Variants in DLG2 observed in about 807,000 individuals in gnomAD.
DLG2 encodes the protein disks large homolog 2.
A neutral mutation model predicts 132.5 loss-of-function variants in DLG2; 45 were observed. That is an observed-to-expected ratio of 0.34 (90% CI 0.27 to 0.44). DLG2 has a LOEUF of 0.44. DLG2 is among the 20% of genes least tolerant of loss of function. DLG2 has a pLI of 1.00. For synonymous variants in DLG2, 424 were observed against 419.6 expected (o/e 1.01, Z -0.13); for missense variants, 1,045 against 1,196.9 (o/e 0.87, Z 1.87).
chr11:83,851,965 C>A (rs1380738676), intron 16 of DLG2, among the ~76,000 whole-genome samples: 1 of 151,376 alleles, frequency 6.6e-6, no homozygotes, highest in African/African-American at 2.4e-5. Flanking sequence ...CAGAGATACA[C>A]CAGGAGAATG....
chr11:83,623,845 A>C (rs115109610), intron 19 of DLG2, among the ~76,000 whole-genome samples: 2,230 of 152,268 alleles, frequency 0.015, 63 homozygotes, highest in African/African-American at 0.051. Flanking sequence ...AAGCTCCCTC[A>C]ATTTTTTCAT....
intron 3 of DLG2, among the ~76,000 whole-genome samples, chr11:85,543,672 C>T (rs2076117033): frequency 6.6e-6 from 1 of 152,076 alleles, no homozygotes; most frequent in Non-Finnish European, 1.5e-5. Flanking sequence ...TTTTAATGAT[C>T]ACCATTCTAA....
intron 14 of DLG2, among the ~76,000 whole-genome samples, chr11:83,935,291 G>T (rs1264142173): frequency 6.6e-6 from 1 of 152,130 alleles, no homozygotes; most frequent in Non-Finnish European, 1.5e-5. Context: ...ATTGGGCCAA[G>T]GATTTGGAAA....
intron 8 of DLG2, among the ~76,000 whole-genome samples, chr11:84,189,777 C>T (rs539634347): frequency 6.6e-6 from 1 of 152,156 alleles, no homozygotes; most frequent in African/African-American, 2.4e-5. Context: ...ATGATAAGAA[C>T]ACATGGATAC....
At chr11:85,612,318 C>G (rs560759557) in intron 2 of DLG2, among the ~76,000 whole-genome samples, 1 of 152,194 alleles carries the variant, frequency 6.6e-6, no homozygotes, top group Non-Finnish European at 1.5e-5. Flanking sequence ...AATTATCATA[C>G]GAAGGTCTGA....
At position 85,510,455 on chromosome 11, in the gene DLG2, T is replaced by C. The variant is rs1163424939; in HGVS notation, c.40+88202A>G. On this transcript the variant is annotated intron_variant, in intron 3 of 27. Coordinates refer to ENST00000376104, the MANE Select transcript of DLG2 (RefSeq NM_001142699.3). Reference sequence around the variant, plus strand: ...GGCAACCTACAGAATGGGAGAAAATTCTTGCAACCTACTCATCTGACAAAG... The same window carrying C: ...GGCAACCTACAGAATGGGAGAAAATCCTTGCAACCTACTCATCTGACAAAG... Among the ~76,000 whole-genome samples the C allele has an allele frequency of 4.6e-5, 7 of 152,010 alleles. No homozygotes were observed. In the South Asian group the frequency reaches 1.0e-3, roughly 23 times the overall value.
intron 18 of DLG2, among the ~76,000 whole-genome samples, chr11:83,728,490 C>A (rs138412296): frequency 6.6e-6 from 1 of 152,196 alleles, no homozygotes. Flanking sequence ...ACCTCACAGA[C>A]TGAGATAATG....
intron 6 of DLG2, among the ~76,000 whole-genome samples, chr11:84,704,809 C>G (rs1409676730): frequency 1.3e-5 from 2 of 150,728 alleles, no homozygotes; most frequent in Non-Finnish European, 3.0e-5. Context: ...GACAGAAACC[C>G]TGATTAAAGT....
chr11:83,474,866 G>A (rs1053666191), intron 22 of DLG2, among the ~76,000 whole-genome samples: 5 of 152,130 alleles, frequency 3.3e-5, no homozygotes, highest in African/African-American at 4.8e-5. Flanking sequence ...CATTCTGATG[G>A]AACGTTCTAA....
intron 8 of DLG2, among the ~76,000 whole-genome samples, chr11:84,249,074 G>T (rs1305220656): frequency 6.6e-6 from 1 of 152,124 alleles, no homozygotes. Flanking sequence ...TTCTACATGA[G>T]GATATCTGGC....
At chr11:84,806,537 C>A (rs935007381) in intron 6 of DLG2, among the ~76,000 whole-genome samples, 1 of 152,054 alleles carries the variant, frequency 6.6e-6, no homozygotes. Context: ...ACAATATTTT[C>A]GACTGCTGAA....
chr11:83,521,271 T>C (rs986376075), intron 21 of DLG2, among the ~76,000 whole-genome samples: 1 of 152,244 alleles, frequency 6.6e-6, no homozygotes, highest in Admixed American at 6.5e-5. Flanking sequence ...CAAGGACTTA[T>C]TTTCCAGTAT....
chr11:84,417,778 T>G (rs2098934873), intron 7 of DLG2, among the ~76,000 whole-genome samples: 2 of 152,068 alleles, frequency 1.3e-5, no homozygotes, highest in Non-Finnish European at 2.9e-5. Flanking sequence ...TCCCCACCAT[T>G]TTATGTATTA....
chr11:84,303,400 T>G (rs2098178490), intron 7 of DLG2, among the ~76,000 whole-genome samples: 1 of 152,224 alleles, frequency 6.6e-6, no homozygotes, highest in South Asian at 2.1e-4. Context: ...CATAGATTTT[T>G]TATGCAATGG....
At chr11:83,715,113 A>G (rs2086391547) in intron 18 of DLG2, among the ~76,000 whole-genome samples, 1 of 152,132 alleles carries the variant, frequency 6.6e-6, no homozygotes, top group Non-Finnish European at 1.5e-5. Context: ...CCTTGCAAGG[A>G]CATGGATGAA....
chr11:83,580,853 CCCCTTA>C (rs1395918474), intron 19 of DLG2, among the ~76,000 whole-genome samples: 57 of 122,310 alleles, frequency 4.7e-4, no homozygotes, highest in Admixed American at 1.9e-3. Context: ...TTCTCCCCTT[CCCCTTA>C]CTTCCTCCAC....
intron 11 of DLG2, among the ~76,000 whole-genome samples, chr11:84,045,993 A>T (rs896478192): frequency 1.3e-5 from 2 of 151,604 alleles, no homozygotes; most frequent in Non-Finnish European, 3.0e-5. Flanking sequence ...AAATCCAGTG[A>T]TGGGCACAGT....
chr11:84,353,517 C>T lies in DLG2; in HGVS notation c.520-102226G>A, dbSNP rs572873645. On this transcript the variant is annotated intron_variant, in intron 7 of 27. Transcript: ENST00000376104. ...TATTTTTTTAATTCACCCACACCTC[C>T]ACGTCTCTAATGAGATTACCTTAAA... Among the ~76,000 whole-genome samples, 12 of 152,272 alleles carry T rather than the reference C, an allele frequency of 7.9e-5. No homozygotes were observed. In the South Asian group the frequency reaches 8.3e-4, roughly 11 times the overall value.
intron 6 of DLG2, among the ~76,000 whole-genome samples, chr11:84,667,452 T>C (rs1330403156): frequency 8.0e-5 from 12 of 149,420 alleles, no homozygotes; most frequent in Non-Finnish European, 1.2e-4. Flanking sequence ...TATGAGAGGA[T>C]AGAACATTGA....
Sources: allele counts gnomAD v4.1 joint callset (sites outside exome capture counted in the v4.1 genomes callset), GRCh38; gene constraint gnomAD v4.1.1; transcripts MANE v1.5; gene names NCBI Gene and HGNC (gene_info 2026-07-23, HGNC 2026-07-21).